ZDHHC4: variants seen among roughly 807,000 people sequenced by gnomAD.
ZDHHC4 encodes zDHHC palmitoyltransferase 4.
In ZDHHC4, 42 loss-of-function variants were observed where a neutral mutation model predicts 36.7. The observed-to-expected ratio is 1.14, with a 90% CI of 0.89 to 1.48. The LOEUF is 1.48. ZDHHC4 is among the 40% of genes most tolerant of loss of function. The pLI, the probability that ZDHHC4 is intolerant of heterozygous loss-of-function variation, is 0.00. For missense variants in ZDHHC4, 457 were observed against 421.5 expected, an observed-to-expected ratio of 1.08 and a Z score of -0.74; for synonymous variants, 189 against 166.6, an observed-to-expected ratio of 1.13 and a Z score of -1.03.
In ZDHHC4 at chr7:6,588,617, T is replaced by A. The variant is rs756151915; in HGVS notation, c.742T>A (p.Tyr248Asn). Reference sequence around the variant, plus strand: ...AGCACTACCTTTTCTCTGCTCCTAGTACCTGTTCCTGACTTTTCCACGGAT... The same window carrying A: ...AGCACTACCTTTTCTCTGCTCCTAGAACCTGTTCCTGACTTTTCCACGGAT... ...HVMDTVFLIQ[Y>N]LFLTFPRIVF... Residue 248 changes from tyrosine (Y) to asparagine (N), a missense_variant and splice_region_variant, in exon 8 of 8, where the codon TAC becomes AAC. Transcript: ENST00000335965. The A allele has an allele frequency of 2.4e-5, 38 of 1,613,874 alleles. No individual in the cohort carries two copies. The highest frequency in any genetic ancestry group is 1.2e-4 in the Admixed American group (7 of 59,994).
At chr7:6,584,485 G>C (rs1454334802) in intron 6 of ZDHHC4, among the ~76,000 whole-genome samples, 1 of 152,116 alleles carries the variant, frequency 6.6e-6, no homozygotes, top group African/African-American at 2.4e-5. Flanking sequence ...TGACTTTAAA[G>C]CAGGAACACC....
intron 7 of ZDHHC4, 25 bp downstream of exon 7, chr7:6,585,285 T>G (rs1339968589): frequency 6.3e-7 from 1 of 1,598,152 alleles, no homozygotes; most frequent in Non-Finnish European, 8.5e-7. Flanking sequence ...GGTTTCTGAC[T>G]TCAAGTTTCA....
At position 6,578,639 on chromosome 7, in the gene ZDHHC4, G is replaced by A. The variant is rs1780613728; in HGVS notation, c.-89G>A. On this transcript the variant is annotated 5_prime_UTR_variant, in exon 2 of 8. Coordinates refer to ENST00000335965, the MANE Select transcript of ZDHHC4 (RefSeq NM_001134389.2). Reference sequence around the variant, plus strand: ...CCAGGCACACACTGCTGCCCAAGAGGAGCTGCTGTTTGAATTATCTGTGAA... The same window carrying A: ...CCAGGCACACACTGCTGCCCAAGAGAAGCTGCTGTTTGAATTATCTGTGAA... The A allele has an allele frequency of 6.6e-6, 1 of 152,182 alleles. No homozygotes were observed. The highest frequency in any genetic ancestry group is 2.4e-5 in the African/African-American group (1 of 41,446). 9.4% of individuals were successfully genotyped at this position (152,182 alleles called of 1,614,324 possible). A position where few individuals can be genotyped will look rare whatever the true frequency, so the allele number is the denominator to read the frequency against.
At chr7:6,580,786 C>T in intron 3 of ZDHHC4, 108 bp downstream of exon 3, 1 of 1,016,624 alleles carries the variant, frequency 9.8e-7, no homozygotes. Context: ...GGTGCAGTGC[C>T]TCACACCTGT....
At chr7:6,581,348 C>A (rs1303916148) in intron 3 of ZDHHC4, among the ~76,000 whole-genome samples, 1 of 152,210 alleles carries the variant, frequency 6.6e-6, no homozygotes, top group Non-Finnish European at 1.5e-5. Context: ...CCGACCCATC[C>A]CCTCTGCTCA....
intron 3 of ZDHHC4, 122 bp from the exon 4 acceptor site, chr7:6,581,485 C>G (rs1583381163): frequency 4.1e-6 from 3 of 724,132 alleles, no homozygotes; most frequent in Middle Eastern, 2.3e-4. Context: ...ACTTCTTCAC[C>G]CATATAGGGA....
At chr7:6,588,560 ACT>A (rs1781425826) in intron 7 of ZDHHC4, 55 bp from the exon 8 acceptor site, 1 of 1,572,418 alleles carries the variant, frequency 6.4e-7, no homozygotes, top group Non-Finnish European at 8.7e-7. Context: ...GCCAGTGTTC[ACT>A]CTCATGGATG....
chr7:6,586,175 A>AT (rs1219741498), intron 7 of ZDHHC4, among the ~76,000 whole-genome samples: 1 of 152,080 alleles, frequency 6.6e-6, no homozygotes, highest in Admixed American at 6.6e-5. Context: ...AAAAAAAAAA[A>AT]TTCACATATC....
chr7:6,581,333 A>T (rs1416119586), intron 3 of ZDHHC4, among the ~76,000 whole-genome samples: 2 of 152,186 alleles, frequency 1.3e-5, no homozygotes, highest in Non-Finnish European at 2.9e-5. Flanking sequence ...TCACATTGAC[A>T]TTCCCCGACC....
At chr7:6,583,880 G>A (rs1048986180) in intron 6 of ZDHHC4, 1 of 153,378 alleles carries the variant, frequency 6.5e-6, no homozygotes, top group Non-Finnish European at 1.4e-5. Flanking sequence ...AGACCAGCTT[G>A]GGCACCATGG....
chr7:6,588,580 C>T (rs766186818), intron 7 of ZDHHC4, 37 bp from the exon 8 acceptor site: 2 of 1,600,016 alleles, frequency 1.2e-6, no homozygotes, highest in East Asian at 2.2e-5. Context: ...ATGTCACAGT[C>T]CAGCTGCCTA....
At position 6,582,177 on chromosome 7, in the gene ZDHHC4, A is replaced by C. The variant is rs778428132; in HGVS notation, c.296A>C (p.His99Pro). Reference sequence around the variant, plus strand: ...TGTCAGGAGCTGGAGTTGTCCTTGCATTACCTTCTTCTGCCCTATCTGCTG... The same window carrying C: ...TGTCAGGAGCTGGAGTTGTCCTTGCCTTACCTTCTTCTGCCCTATCTGCTG... Reference protein sequence around the residue: ...GYCQELELSLHYLLLPYLLLG... With the variant: ...GYCQELELSLPYLLLPYLLLG... The change falls in exon 5 of 8, where the codon CAT becomes CCT. Residue 99 changes from histidine (H) to proline (P), a missense_variant. His to Pro is a moderately conservative substitution (Grantham distance 77). Coordinates refer to ENST00000335965, the MANE Select transcript of ZDHHC4 (RefSeq NM_001134389.2). The C allele has an allele frequency of 5.0e-6, 8 of 1,613,974 alleles. No individual in the cohort carries two copies. In the South Asian group the frequency reaches 8.8e-5, roughly 18 times the overall value.
Position 6,588,766 on chromosome 7 carries a change from G to A in ZDHHC4, c.891G>A (p.Trp297Ter). Residue 297 changes from tryptophan (W) to a stop codon, truncating the protein, a stop_gained, in exon 8 of 8, where the codon TGG (tryptophan) becomes TGA (stop). Coordinates refer to ENST00000335965, the MANE Select transcript of ZDHHC4 (RefSeq NM_001134389.2). LOFTEE classifies it high-confidence loss of function. ...AGTGGTACAGAGGTGACTGGGCCTG[G>A]TGCCAGCGTTGTCCCCTTGTGGCCT... ...TNEWYRGDWA[W>*]CQRCPLVAWP... 1.2e-6 allele frequency: 2 copies of A among 1,614,218 alleles called. No individual in the cohort carries two copies.
chr7:6,586,301 C>T (rs192684563), intron 7 of ZDHHC4, among the ~76,000 whole-genome samples: 1 of 152,318 alleles, frequency 6.6e-6, no homozygotes, highest in Admixed American at 6.5e-5. Context: ...GAAACACTCC[C>T]CATTCCCTCC....
In ZDHHC4 at chr7:6,580,266, G is replaced by C. The variant is rs561274617; in HGVS notation, c.-7-289G>C. 3.5e-4 allele frequency among the ~76,000 whole-genome samples: 54 copies of C among 152,238 alleles called. 1 individual carries two copies. In the South Asian group the frequency reaches 0.01, roughly 29 times the overall value. On this transcript the variant is annotated intron_variant, in intron 2 of 7. Transcript: ENST00000335965. ...TCCACCCACCTCTGCTTCCCAGAGT[G>C]CTGGGATTACAGGCATGAGCCACTG...
chr7:6,580,767 G>T, intron 3 of ZDHHC4, 89 bp downstream of exon 3: 1 of 1,289,084 alleles, frequency 7.8e-7, no homozygotes, highest in Non-Finnish European at 1.1e-6. Flanking sequence ...AAAAAGAGAT[G>T]CCAGGCCGGG....
intron 6 of ZDHHC4, 156 bp downstream of exon 6, chr7:6,583,587 G>C: frequency 9.7e-7 from 1 of 1,032,050 alleles, no homozygotes; most frequent in Non-Finnish European, 1.4e-6. Flanking sequence ...GTTTCTTTCA[G>C]ATGAGTGAGG....
At position 6,588,711 on chromosome 7, in the gene ZDHHC4, A is replaced by T; in HGVS notation, c.836A>T (p.Tyr279Phe). ...LLGGYLLFVL[Y>F]LAATNQTTNE... ...GGTGGCTACCTGTTGTTTGTCCTGT[A>T]TCTGGCGGCCACCAACCAGACTACT... Residue 279 changes from tyrosine (Y) to phenylalanine (F), a missense_variant, in exon 8 of 8, where the codon TAT becomes TTT. By Grantham distance (22) the Tyr-to-Phe change is conservative. Coordinates refer to ENST00000335965, the MANE Select transcript of ZDHHC4 (RefSeq NM_001134389.2). The T allele has an allele frequency of 6.2e-7, 1 of 1,614,114 alleles. No homozygotes were observed.
At chr7:6,584,813 G>T in intron 6 of ZDHHC4, 2 of 650,480 alleles carry the variant, frequency 3.1e-6, no homozygotes, top group South Asian at 2.0e-5. Flanking sequence ...CTTGTAGTCA[G>T]ATTGCAAGTG....
Sources: allele counts gnomAD v4.1 joint callset (sites outside exome capture counted in the v4.1 genomes callset), GRCh38; gene constraint gnomAD v4.1.1; transcripts MANE v1.5; gene names NCBI Gene and HGNC (gene_info 2026-07-23, HGNC 2026-07-21).